PRKCA: variants seen among roughly 807,000 people sequenced by gnomAD.
The protein encoded by PRKCA is protein kinase C alpha type.
A neutral mutation model predicts 87.0 loss-of-function variants in PRKCA; 27 were observed. The observed-to-expected ratio is 0.31, with a 90% CI of 0.23 to 0.43. PRKCA has a LOEUF of 0.43. Among genes scored for constraint, PRKCA ranks in the 20% least tolerant of loss-of-function variants. The pLI, the probability that PRKCA is intolerant of heterozygous loss-of-function variation, is 1.00. For synonymous variants in PRKCA, 329 were observed against 311.1 expected (o/e 1.06, Z -0.61); for missense variants, 518 against 852.3 (o/e 0.61, Z 4.88).
chr17:66,794,532 C>T (rs1975616981), intron 16 of PRKCA, among the ~76,000 whole-genome samples: 1 of 151,342 alleles, frequency 6.6e-6, no homozygotes, highest in Non-Finnish European at 1.5e-5. Context: ...ATTTAAAGAA[C>T]TCCTGTATTC....
chr17:66,778,076 G>A, intron 14 of PRKCA: 1 of 985,394 alleles, frequency 1.0e-6, no homozygotes, highest in South Asian at 4.7e-5. Flanking sequence ...TCCCTACTAA[G>A]CTCACGCCCC....
chr17:66,634,513 A>G (rs369231413), intron 3 of PRKCA, among the ~76,000 whole-genome samples: 27 of 152,316 alleles, frequency 1.8e-4, no homozygotes, highest in African/African-American at 6.0e-4. Context: ...TGTGCACCAG[A>G]TATTTCTTTG....
intron 2 of PRKCA, among the ~76,000 whole-genome samples, chr17:66,441,162 CAAA>C (rs199828612): frequency 7.5e-5 from 8 of 107,248 alleles, no homozygotes; most frequent in Non-Finnish European, 1.5e-4. Flanking sequence ...ACTCTGTCTC[CAAA>C]AAAAAAAAAA....
chr17:66,389,506 AAT>A (rs934322433), intron 2 of PRKCA, among the ~76,000 whole-genome samples: 45 of 152,200 alleles, frequency 3.0e-4, no homozygotes, highest in African/African-American at 1.0e-3. Flanking sequence ...TGTATTGAAA[AAT>A]ATGCCGGAAG....
chr17:66,638,614 C>T (rs1325757549), intron 3 of PRKCA, among the ~76,000 whole-genome samples: 1 of 151,980 alleles, frequency 6.6e-6, no homozygotes, highest in African/African-American at 2.4e-5. Flanking sequence ...TTTGGGAGGC[C>T]AAGGCAGGTG....
intron 3 of PRKCA, chr17:66,554,576 G>A (rs913200279): frequency 1.4e-4 from 127 of 932,888 alleles, no homozygotes; most frequent in Non-Finnish European, 1.5e-4. Context: ...CTCACTCTCC[G>A]AAGGTAAGGT....
At chr17:66,674,667 C>T (rs760274123) in intron 5 of PRKCA, among the ~76,000 whole-genome samples, 4 of 152,134 alleles carry the variant, frequency 2.6e-5, no homozygotes, top group Non-Finnish European at 5.9e-5. Context: ...GGCCTGTTTT[C>T]CATGTTGGGA....
intron 5 of PRKCA, among the ~76,000 whole-genome samples, chr17:66,663,497 C>A (rs1473000910): frequency 2.0e-5 from 3 of 152,142 alleles, no homozygotes; most frequent in Admixed American, 2.0e-4. Context: ...GAGGGAGGGG[C>A]TGGAGGGGCC....
intron 2 of PRKCA, among the ~76,000 whole-genome samples, chr17:66,330,145 T>G (rs1016114284): frequency 1.3e-5 from 2 of 149,986 alleles, no homozygotes; most frequent in African/African-American, 4.9e-5. Flanking sequence ...CACTCTTGTT[T>G]CCCAGGCTGG....
intron 13 of PRKCA, among the ~76,000 whole-genome samples, chr17:66,765,466 A>ATCTC (rs1974791639): frequency 7.3e-6 from 1 of 136,682 alleles, no homozygotes; most frequent in Admixed American, 7.4e-5. Flanking sequence ...CCATATATAT[A>ATCTC]CATATTTGTC....
chr17:66,474,211 C>G (rs1310296854), intron 2 of PRKCA, among the ~76,000 whole-genome samples: 2 of 118,472 alleles, frequency 1.7e-5, no homozygotes, highest in Non-Finnish European at 1.7e-5. Flanking sequence ...GCAACACACC[C>G]AGATGGGGAG....
chr17:66,640,436 T>C (rs1971258969), intron 3 of PRKCA, among the ~76,000 whole-genome samples: 1 of 152,214 alleles, frequency 6.6e-6, no homozygotes, highest in Admixed American at 6.5e-5. Context: ...GGTAATGAAA[T>C]TGCAGTGGGC....
chr17:66,389,399 T>C (rs1910241207), intron 2 of PRKCA, among the ~76,000 whole-genome samples: 2 of 152,154 alleles, frequency 1.3e-5, no homozygotes, highest in East Asian at 3.9e-4. Flanking sequence ...GCTAGACTCC[T>C]GGGGGGTCTC....
chr17:66,370,385 C>T (rs1456916742), intron 2 of PRKCA, among the ~76,000 whole-genome samples: 6 of 151,656 alleles, frequency 4.0e-5, no homozygotes, highest in Non-Finnish European at 2.9e-5. Flanking sequence ...GTGCACACCA[C>T]CATAGCTGGC....
chr17:66,343,818 A>G (rs1907191703), intron 2 of PRKCA, among the ~76,000 whole-genome samples: 1 of 152,042 alleles, frequency 6.6e-6, no homozygotes, highest in Admixed American at 6.6e-5. Context: ...TGGAAGAGGA[A>G]CTTGATGTTT....
chr17:66,734,702 A>G (rs1018581757), intron 9 of PRKCA, among the ~76,000 whole-genome samples: 5 of 152,168 alleles, frequency 3.3e-5, no homozygotes, highest in African/African-American at 1.2e-4. Context: ...AATGCGGCCC[A>G]GCAGATCTCA....
At chr17:66,506,813 A>G (rs1917002030) in intron 3 of PRKCA, among the ~76,000 whole-genome samples, 1 of 152,196 alleles carries the variant, frequency 6.6e-6, no homozygotes, top group South Asian at 2.1e-4. Flanking sequence ...AACAATTGGT[A>G]TGATGGATTC....
At chr17:66,767,460 C>A (rs145758394) in intron 13 of PRKCA, among the ~76,000 whole-genome samples, 126 of 152,256 alleles carry the variant, frequency 8.3e-4, no homozygotes, top group African/African-American at 2.9e-3. Context: ...TGGATTTTCA[C>A]TCACCCAAAG....
chr17:66,453,279 A>G (rs1457612658), intron 2 of PRKCA, among the ~76,000 whole-genome samples: 3 of 151,988 alleles, frequency 2.0e-5, no homozygotes, highest in Non-Finnish European at 4.4e-5. Flanking sequence ...GTACAGATCC[A>G]CAGTCCCCTT....
Sources: gnomAD v4.1 joint callset for allele counts (sites outside exome capture counted in the v4.1 genomes callset) on GRCh38, gnomAD v4.1.1 for gene constraint, MANE v1.5 for transcripts, NCBI Gene and HGNC (gene_info 2026-07-23, HGNC 2026-07-21) for gene names.